The following PTPRG variants were observed in gnomAD, a reference collection of about 807,000 sequenced individuals.
The protein encoded by PTPRG is protein tyrosine phosphatase receptor type G.
A neutral mutation model predicts 165.3 loss-of-function variants in PTPRG; 102 were observed. The observed-to-expected ratio is 0.62, with a 90% CI of 0.53 to 0.73. The LOEUF is 0.73. Ranked by LOEUF, PTPRG falls within the 30% of genes least tolerant of loss-of-function variation. PTPRG has a pLI of 0.00. For missense variants in PTPRG, 1,866 were observed against 1,861.4 expected, an observed-to-expected ratio of 1.00 and a Z score of -0.05; for synonymous variants, 675 against 669.5, an observed-to-expected ratio of 1.01 and a Z score of -0.13.
chr3:62,009,648 C>T (rs1433150658), intron 4 of PTPRG, among the ~76,000 whole-genome samples: 2 of 152,150 alleles, frequency 1.3e-5, no homozygotes, highest in Non-Finnish European at 2.9e-5. Flanking sequence ...GGTTATGGCT[C>T]AGGTAAGAGA....
At chr3:61,612,967 C>G (rs1471180802) in intron 1 of PTPRG, among the ~76,000 whole-genome samples, 1 of 152,138 alleles carries the variant, frequency 6.6e-6, no homozygotes, top group African/African-American at 2.4e-5. Flanking sequence ...TTGTCTCAAT[C>G]TCTCCCTCCA....
At chr3:61,899,792 TGGGATTCATC>T (rs1195265219) in intron 2 of PTPRG, among the ~76,000 whole-genome samples, 1 of 152,200 alleles carries the variant, frequency 6.6e-6, no homozygotes, top group Admixed American at 6.5e-5. Flanking sequence ...AATGTGTCAG[TGGGATTCATC>T]GGGATGTCGT....
intron 1 of PTPRG, among the ~76,000 whole-genome samples, chr3:61,650,696 C>T (rs144957021): frequency 8.5e-5 from 13 of 152,290 alleles, no homozygotes; most frequent in South Asian, 2.1e-4. Context: ...CCTCATCAAA[C>T]GCACAGTCAA....
chr3:62,292,117 C>T (rs1559775148), intron 28 of PTPRG, among the ~76,000 whole-genome samples: 1 of 152,076 alleles, frequency 6.6e-6, no homozygotes, highest in Non-Finnish European at 1.5e-5. Flanking sequence ...TACCACCCAA[C>T]TCATCACCAA....
At chr3:61,584,271 A>G (rs1056887169) in intron 1 of PTPRG, among the ~76,000 whole-genome samples, 3 of 152,222 alleles carry the variant, frequency 2.0e-5, no homozygotes, top group African/African-American at 7.2e-5. Context: ...AAAAGAGTCT[A>G]TAATGGTAAG....
At chr3:61,847,701 A>G (rs2036844413) in intron 2 of PTPRG, among the ~76,000 whole-genome samples, 1 of 152,204 alleles carries the variant, frequency 6.6e-6, no homozygotes, top group South Asian at 2.1e-4. Context: ...TGTATGAAGC[A>G]TGTTCTTTGT....
intron 1 of PTPRG, among the ~76,000 whole-genome samples, chr3:61,667,376 T>C (rs1280159408): frequency 1.3e-5 from 2 of 152,208 alleles, no homozygotes; most frequent in Admixed American, 6.5e-5. Context: ...TCTGGCACCT[T>C]TGACATAGCT....
chr3:61,749,690 T>C (rs1052969445), intron 2 of PTPRG: 2 of 153,552 alleles, frequency 1.3e-5, no homozygotes, highest in African/African-American at 4.8e-5. Flanking sequence ...CTAGAAGAGA[T>C]TTTTGATGCT....
chr3:61,916,262 GGTGTGT>G (rs141606424), intron 2 of PTPRG, among the ~76,000 whole-genome samples: 1 of 151,828 alleles, frequency 6.6e-6, no homozygotes, highest in Non-Finnish European at 1.5e-5. Flanking sequence ...CTTATTTTTG[GGTGTGT>G]GTGTGTATAG....
At chr3:61,931,308 A>G (rs1162035235) in intron 2 of PTPRG, among the ~76,000 whole-genome samples, 1 of 152,086 alleles carries the variant, frequency 6.6e-6, no homozygotes, top group Non-Finnish European at 1.5e-5. Flanking sequence ...AAGGTTTATT[A>G]CTTGTTGTGG....
chr3:61,665,499 C>G (rs1702786654), intron 1 of PTPRG, among the ~76,000 whole-genome samples: 1 of 151,780 alleles, frequency 6.6e-6, no homozygotes, highest in Non-Finnish European at 1.5e-5. Flanking sequence ...CACACACACA[C>G]ACACAGGCAC....
chr3:61,910,534 G>C (rs894138264), intron 2 of PTPRG, among the ~76,000 whole-genome samples: 2 of 152,056 alleles, frequency 1.3e-5, no homozygotes. Flanking sequence ...CCTGGATATT[G>C]CCTGTTCCAA....
At chr3:61,882,290 C>G (rs2037909533) in intron 2 of PTPRG, among the ~76,000 whole-genome samples, 1 of 152,190 alleles carries the variant, frequency 6.6e-6, no homozygotes, top group Non-Finnish European at 1.5e-5. Flanking sequence ...TGAAAAGGGA[C>G]TTGCTCAGCT....
chr3:61,838,282 T>A (rs1382696306), intron 2 of PTPRG, among the ~76,000 whole-genome samples: 4 of 152,204 alleles, frequency 2.6e-5, no homozygotes, highest in African/African-American at 7.2e-5. Flanking sequence ...AGTTGAAGAA[T>A]CGTTTTTGGT....
chr3:62,107,977 A>G (rs1360174616), intron 5 of PTPRG, among the ~76,000 whole-genome samples: 1 of 152,102 alleles, frequency 6.6e-6, no homozygotes, highest in Non-Finnish European at 1.5e-5. Flanking sequence ...CCTCTCAGTT[A>G]CAAGTTTGCC....
intron 1 of PTPRG, chr3:61,742,783 G>A (rs757593223): frequency 2.5e-5 from 41 of 1,610,920 alleles, no homozygotes; most frequent in Admixed American, 3.3e-5. Flanking sequence ...GGCCAAAAAC[G>A]CATCATACTT....
At chr3:62,201,107 G>A (rs886099971) in intron 10 of PTPRG, among the ~76,000 whole-genome samples, 1 of 152,238 alleles carries the variant, frequency 6.6e-6, no homozygotes, top group East Asian at 1.9e-4. Flanking sequence ...ACGTGCTGGC[G>A]ATATGTCTTT....
At chr3:61,898,867 A>AT (rs1347170741) in intron 2 of PTPRG, among the ~76,000 whole-genome samples, 19 of 152,272 alleles carry the variant, frequency 1.2e-4, no homozygotes, top group African/African-American at 3.8e-4. Context: ...AATAAGTAAC[A>AT]TTGTGTCCCT....
In PTPRG at chr3:62,100,603, C is replaced by CAA. The variant is rs147309258; in HGVS notation, c.615+22351_615+22352dup. Among the ~76,000 whole-genome samples, 18 of 151,178 alleles carry CAA rather than the reference C, an allele frequency of 1.2e-4. No individual in the cohort carries two copies. The East Asian group carries it at 3.1e-3, about 26-fold the overall frequency. ...GCTTTCCAATCATAAGCCAAAAAAACAAAAAAACAAAAACAAGAAGCACAC... is the reference window on the plus strand; with the variant it reads ...GCTTTCCAATCATAAGCCAAAAAAACAAAAAAAAACAAAAACAAGAAGCACAC... On this transcript the variant is annotated intron_variant, in intron 5 of 29. Transcript: ENST00000474889.
Sources: allele counts gnomAD v4.1 joint callset (sites outside exome capture counted in the v4.1 genomes callset), GRCh38; gene constraint gnomAD v4.1.1; transcripts MANE v1.5; gene names NCBI Gene and HGNC (gene_info 2026-07-23, HGNC 2026-07-21).